The following NUP107 variants were observed in gnomAD, a reference collection of about 807,000 sequenced individuals.
NUP107 encodes nuclear pore complex protein Nup107.
In NUP107, 101 loss-of-function variants were observed where a neutral mutation model predicts 141.0. The ratio of observed to expected loss-of-function variants is 0.72; its 90% CI spans 0.61 to 0.84. The LOEUF (loss-of-function observed/expected upper bound fraction) is 0.84, where lower values mean the gene tolerates loss of function less well. NUP107 is among the 40% of genes least tolerant of loss of function. The pLI is 0.00. For missense variants in NUP107, 941 were observed against 1,102.7 expected, an observed-to-expected ratio of 0.85 and a Z score of 2.08; for synonymous variants, 319 against 363.9, an observed-to-expected ratio of 0.88 and a Z score of 1.41.
intron 17 of NUP107, among the ~76,000 whole-genome samples, chr12:68,724,519 C>T (rs1877478096): frequency 6.6e-6 from 1 of 152,004 alleles, no homozygotes; most frequent in Non-Finnish European, 1.5e-5. Flanking sequence ...GCTCACACCT[C>T]TAGTCCCAGC....
intron 9 of NUP107, 28 bp downstream of exon 9, chr12:68,709,337 T>TA: frequency 7.2e-7 from 1 of 1,381,922 alleles, no homozygotes; most frequent in Non-Finnish European, 1.0e-6. Flanking sequence ...AATTTTTTTT[T>TA]ATGAAACATG....
intron 1 of NUP107, chr12:68,687,674 C>G (rs1485355709): frequency 1.0e-6 from 1 of 984,348 alleles, no homozygotes; most frequent in East Asian, 1.1e-4. Flanking sequence ...TCTAGCTGGT[C>G]TTTGAATAAT....
chr12:68,717,619 T>C (rs1461253714), intron 12 of NUP107, among the ~76,000 whole-genome samples: 1 of 152,172 alleles, frequency 6.6e-6, no homozygotes, highest in Non-Finnish European at 1.5e-5. Flanking sequence ...TCTAAAACTT[T>C]TTCATCAACC....
At position 68,719,659 on chromosome 12, in the gene NUP107, G is replaced by C. The variant is rs1358061104; in HGVS notation, c.1251+5G>C. ...TGCTGGAGAATGGCAGAAGATGTAA[G>C]ATAAATAAAATATTCAGTGATACTG... On this transcript the variant is annotated splice_donor_5th_base_variant and intron_variant, in intron 14 of 27. Coordinates refer to ENST00000229179, the MANE Select transcript of NUP107 (RefSeq NM_020401.4). 1.9e-6 allele frequency: 3 copies of C among 1,590,320 alleles called. No homozygotes were observed. Among genetic ancestry groups the C allele is most frequent in the African/African-American group, 1.3e-5 (1 of 74,468 alleles).
At chr12:68,723,300 T>C (rs1877429311) in intron 17 of NUP107, among the ~76,000 whole-genome samples, 1 of 152,118 alleles carries the variant, frequency 6.6e-6, no homozygotes, top group South Asian at 2.1e-4. Flanking sequence ...TTCAGTGAGC[T>C]GTGATTGTAC....
rs566293852 is a variant in NUP107 at position 68,718,438 on chromosome 12, G to C, written c.1084-903G>C. ...ATTGACTTACTGACTTATTGGTCAA[G>C]TTGAACATGCAGTATCATCAGTGGA... On this transcript the variant is annotated intron_variant, in intron 12 of 27. Coordinates refer to ENST00000229179, the MANE Select transcript of NUP107 (RefSeq NM_020401.4). Among the ~76,000 whole-genome samples, 279 of 152,292 alleles carry C rather than the reference G, an allele frequency of 1.8e-3. 1 individual carries two copies. Among genetic ancestry groups the C allele is most frequent in the African/African-American group, 6.3e-3 (262 of 41,564 alleles).
chr12:68,701,281 T>G (rs1289999841), intron 7 of NUP107, among the ~76,000 whole-genome samples: 1 of 152,180 alleles, frequency 6.6e-6, no homozygotes, highest in Non-Finnish European at 1.5e-5. Context: ...CAACCACATA[T>G]GAATAAAACT....
intron 26 of NUP107, 45 bp downstream of exon 26, chr12:68,735,389 C>A: frequency 7.6e-7 from 1 of 1,322,692 alleles, no homozygotes; most frequent in Non-Finnish European, 1.1e-6. Flanking sequence ...AAACACTCAC[C>A]ATGTTCTTTT....
At chr12:68,713,104 G>A (rs1876939917) in intron 10 of NUP107, among the ~76,000 whole-genome samples, 1 of 151,954 alleles carries the variant, frequency 6.6e-6, no homozygotes, top group African/African-American at 2.4e-5. Flanking sequence ...CAGACATGGT[G>A]GCTCACACCT....
chr12:68,742,551 C>G lies in NUP107; in HGVS notation c.*89C>G, dbSNP rs1878364927. On this transcript the variant is annotated 3_prime_UTR_variant, in exon 28 of 28. Coordinates refer to ENST00000229179, the MANE Select transcript of NUP107 (RefSeq NM_020401.4). ...ATTAGTAATTTTTTCTTTTGCATTA[C>G]CATGTAAAATTTAGACATTTGAATT... 3.1e-6 allele frequency: 2 copies of G among 637,064 alleles called. No individual in the cohort carries two copies. The highest frequency in any genetic ancestry group is 5.2e-6 in the Non-Finnish European group (2 of 382,918). 39.5% of individuals were successfully genotyped at this position (637,064 alleles called of 1,614,324 possible). A position where few individuals can be genotyped will look rare whatever the true frequency, so the allele number is the denominator to read the frequency against.
In NUP107 at chr12:68,719,404, C is replaced by G; in HGVS notation, c.1147C>G (p.Leu383Val). 5 of 1,614,104 alleles carry G rather than the reference C, an allele frequency of 3.1e-6. No homozygotes were observed. Among genetic ancestry groups the G allele is most frequent in the Non-Finnish European group, 4.2e-6 (5 of 1,179,962 alleles). ...AGCTGCAACACTTGAAGGCTGGAAA[C>G]TGTACCATGACCCTAATGTTAATGG... ...WRAATLEGWKLYHDPNVNGGT... is the reference protein window; with the variant it reads ...WRAATLEGWKVYHDPNVNGGT... The change falls in exon 13 of 28, where the codon CTG (leucine) becomes GTG (valine). Residue 383 changes from leucine to valine, a missense_variant. Transcript: ENST00000229179.
chr12:68,691,870 A>G (rs1035086137), intron 4 of NUP107, 98 bp from the exon 5 acceptor site: 19 of 1,038,492 alleles, frequency 1.8e-5, no homozygotes, highest in African/African-American at 4.9e-5. Context: ...GCATACATAC[A>G]TATAATTTTT....
In NUP107 at chr12:68,741,978, C is replaced by G; in HGVS notation, c.2668C>G (p.Leu890Val). Residue 890 changes from leucine (L) to valine (V), a missense_variant and splice_region_variant, in exon 27 of 28, where the codon CTG becomes GTG. Physicochemically the swap from Leu to Val is conservative, Grantham distance 32 (BLOSUM62 1). Coordinates refer to ENST00000229179, the MANE Select transcript of NUP107 (RefSeq NM_020401.4). Reference sequence around the variant, plus strand: ...ATCCTCTGAGCGCCACAAACTGTACCTGGTAAGTTCTAGAGCCTTGTAGTT... The same window carrying G: ...ATCCTCTGAGCGCCACAAACTGTACGTGGTAAGTTCTAGAGCCTTGTAGTT... ...MVSSERHKLY[L>V]VFSKEELRKL... is the part of the protein sequence containing the mutation. 6.3e-7 allele frequency: 1 copy of G among 1,598,876 alleles called. No homozygotes were observed. The highest frequency in any genetic ancestry group is 1.3e-5 in the African/African-American group (1 of 74,360).
In NUP107 at chr12:68,730,991, T is replaced by G. The variant is rs1019329014; in HGVS notation, c.1735-119T>G. 2.1e-5 allele frequency: 12 copies of G among 582,384 alleles called. No homozygotes were observed. In the Admixed American group the frequency reaches 3.4e-4, roughly 16 times the overall value. 36.1% of individuals were successfully genotyped at this position (582,384 alleles called of 1,614,324 possible). Reference sequence around the variant, plus strand: ...TCAAACAAATAAATATAAAATAAAATTATTCTGTTTAGCAACACAAATCCA... The same window carrying G: ...TCAAACAAATAAATATAAAATAAAAGTATTCTGTTTAGCAACACAAATCCA... On this transcript the variant is annotated intron_variant, in intron 20 of 27. Coordinates refer to ENST00000229179, the MANE Select transcript of NUP107 (RefSeq NM_020401.4).
intron 17 of NUP107, among the ~76,000 whole-genome samples, chr12:68,724,119 C>G (rs1877460165): frequency 6.6e-6 from 1 of 151,542 alleles, no homozygotes; most frequent in African/African-American, 2.4e-5. Flanking sequence ...TTAAAGTAGC[C>G]AGATACAAGA....
At chr12:68,739,555 T>TG (rs144161322) in intron 26 of NUP107, among the ~76,000 whole-genome samples, 12 of 152,220 alleles carry the variant, frequency 7.9e-5, no homozygotes, top group South Asian at 4.2e-4. Flanking sequence ...AGGCACTACA[T>TG]GGGGGGGCGC....
At chr12:68,732,552 G>A (rs552772701) in intron 22 of NUP107, 85 bp from the exon 23 acceptor site, 5 of 683,394 alleles carry the variant, frequency 7.3e-6, no homozygotes, top group East Asian at 2.9e-5. Context: ...AAGTACAGGT[G>A]TAAGTTAATT....
intron 8 of NUP107, among the ~76,000 whole-genome samples, chr12:68,703,747 C>T (rs1473814246): frequency 2.0e-5 from 3 of 152,098 alleles, no homozygotes; most frequent in Non-Finnish European, 4.4e-5. Context: ...CTGTGCCCGG[C>T]TTATACTGAG....
intron 15 of NUP107, 39 bp from the exon 16 acceptor site, chr12:68,721,802 A>C (rs1288326207): frequency 3.8e-6 from 6 of 1,589,716 alleles, no homozygotes; most frequent in Non-Finnish European, 5.1e-6. Context: ...TTTTCTGTTG[A>C]ATATGTCTAT....
Sources: gnomAD v4.1 joint callset for allele counts (sites outside exome capture counted in the v4.1 genomes callset) on GRCh38, gnomAD v4.1.1 for gene constraint, MANE v1.5 for transcripts, NCBI Gene and HGNC (gene_info 2026-07-23, HGNC 2026-07-21) for gene names.